DMD: variants seen among roughly 807,000 people sequenced by gnomAD.
DMD encodes dystrophin.
Under a neutral mutation model 330.1 loss-of-function variants are expected in DMD, and 63 were observed. That is an observed-to-expected ratio of 0.19 (90% CI 0.16 to 0.24). DMD has a LOEUF of 0.24. Among genes scored for constraint, DMD ranks in the 10% least tolerant of loss-of-function variants. DMD has a pLI of 1.00. For missense variants in DMD, 3,344 were observed against 2,684.1 expected (o/e 1.25, Z -5.43); for synonymous variants, 1,223 against 959.8 (o/e 1.27, Z -5.07).
intron 55 of DMD, among the ~76,000 whole-genome samples, chrX:31,611,083 A>ATTT (rs35681066): frequency 8.0e-5 from 8 of 100,421 alleles, no homozygotes; most frequent in Admixed American, 4.4e-4. Context: ...TTGCAGAATC[A>ATTT]TTTTTTTTTT....
intron 2 of DMD, among the ~76,000 whole-genome samples, chrX:32,862,136 A>G (rs776726368): frequency 9.8e-5 from 11 of 112,215 alleles, no homozygotes; most frequent in African/African-American, 3.2e-4. Context: ...TCTCTACCAA[A>G]AAAAGCACGA....
intron 44 of DMD, among the ~76,000 whole-genome samples, chrX:32,021,465 T>C (rs957831281): frequency 8.9e-6 from 1 of 111,985 alleles, no homozygotes; most frequent in Admixed American, 9.5e-5. Context: ...AGGGGTAACA[T>C]AGGGAGCTTC....
intron 2 of DMD, among the ~76,000 whole-genome samples, chrX:32,986,997 A>G (rs2092860489): frequency 8.9e-6 from 1 of 112,276 alleles, no homozygotes; most frequent in Non-Finnish European, 1.9e-5. Context: ...TACCCACAAT[A>G]TAGTTCTAGA....
intron 45 of DMD, among the ~76,000 whole-genome samples, chrX:31,959,481 T>C (rs2095279169): frequency 1.8e-5 from 2 of 112,138 alleles, no homozygotes; most frequent in South Asian, 7.4e-4. Context: ...CATTTTATTT[T>C]TCTTAGAATA....
chrX:31,623,317 G>A (rs1464252782), intron 55 of DMD, among the ~76,000 whole-genome samples: 1 of 111,179 alleles, frequency 9.0e-6, no homozygotes, highest in Non-Finnish European at 1.9e-5. Context: ...AGGCTGGAGT[G>A]CAGTGGCGCC....
At chrX:32,939,710 A>T (rs749611436) in intron 2 of DMD, among the ~76,000 whole-genome samples, 1 of 111,639 alleles carries the variant, frequency 9.0e-6, no homozygotes, top group South Asian at 3.7e-4. Flanking sequence ...GTAAAGTTTC[A>T]GGAAACAAAA....
rs143399899 is a variant in DMD at position 32,065,961 on chromosome X, A to G, written c.6439-97447T>C. On this transcript the variant is annotated intron_variant, in intron 44 of 78. Transcript: ENST00000357033. The stretch of plus-strand genomic sequence containing the variant: ...TGAATCTTCTTTGTCAGGAAAAAAA[A>G]TCTCAACAGTCTAAAGAAGAATTTT... Among the ~76,000 whole-genome samples the G allele has an allele frequency of 6.0e-3, 671 of 111,158 alleles. 4 individuals are homozygous for G. The highest frequency in any genetic ancestry group is 9.5e-3 in the Non-Finnish European group (502 of 52,745).
At chrX:31,853,781 C>T (rs1331224785) in intron 48 of DMD, among the ~76,000 whole-genome samples, 1 of 111,751 alleles carries the variant, frequency 8.9e-6, no homozygotes, top group African/African-American at 3.3e-5. Flanking sequence ...ACTATAAATA[C>T]CTAATGGAAA....
chrX:31,173,880 C>A (rs1013513510), intron 71 of DMD, among the ~76,000 whole-genome samples: 3 of 111,716 alleles, frequency 2.7e-5, no homozygotes, highest in African/African-American at 9.7e-5. Flanking sequence ...TTGGGGGAGA[C>A]AGTTTCTAGG....
At chrX:31,607,923 T>C (rs1294648020) in intron 55 of DMD, among the ~76,000 whole-genome samples, 1 of 112,444 alleles carries the variant, frequency 8.9e-6, no homozygotes, top group East Asian at 2.8e-4. Context: ...ACAGTGTTTT[T>C]GTTTTGAGTA....
intron 9 of DMD, among the ~76,000 whole-genome samples, chrX:32,667,226 A>G (rs2061360166): frequency 9.0e-6 from 1 of 111,655 alleles, no homozygotes; most frequent in African/African-American, 3.3e-5. Flanking sequence ...TTTGACTTTC[A>G]GTTTATTTAA....
At chrX:32,387,395 A>G (rs2097966497) in intron 32 of DMD, among the ~76,000 whole-genome samples, 1 of 111,394 alleles carries the variant, frequency 9.0e-6, no homozygotes, top group Non-Finnish European at 1.9e-5. Context: ...AGTTTACATT[A>G]TGTATCTCTG....
rs78322334 is a variant in DMD at position 31,231,567 on chromosome X, G to A, written c.9287-8446C>T. Among the ~76,000 whole-genome samples, 250 of 112,339 alleles carry A rather than the reference G, an allele frequency of 2.2e-3. 3 individuals are homozygous for A. In the East Asian group the frequency reaches 0.054, roughly 24 times the overall value. On this transcript the variant is annotated intron_variant, in intron 63 of 78. Transcript: ENST00000357033. ...TTATTGACTTTGCAGTGTAGCGAAGGAGATGGATAATAATCAAATATTCAT... is the reference window on the plus strand; with the variant it reads ...TTATTGACTTTGCAGTGTAGCGAAGAAGATGGATAATAATCAAATATTCAT...
chrX:32,313,533 T>C (rs1216428719), intron 41 of DMD, among the ~76,000 whole-genome samples: 1 of 111,222 alleles, frequency 9.0e-6, no homozygotes, highest in Non-Finnish European at 1.9e-5. Context: ...TTCAACATAG[T>C]ATTGGAAGTC....
chrX:33,215,013 T>G (rs1362143194), upstream of DMD, among the ~76,000 whole-genome samples: 1 of 112,038 alleles, frequency 8.9e-6, no homozygotes, highest in African/African-American at 3.2e-5. Flanking sequence ...TATATGCTTG[T>G]TGGCCGCTTG....
At chrX:32,686,781 A>T (rs1477772501) in intron 9 of DMD, among the ~76,000 whole-genome samples, 1 of 111,035 alleles carries the variant, frequency 9.0e-6, no homozygotes, top group African/African-American at 3.3e-5. Flanking sequence ...TGCAAAAAAG[A>T]AAATCAAATT....
chrX:32,633,521 G>A (rs1184001020), intron 11 of DMD, among the ~76,000 whole-genome samples: 2 of 111,846 alleles, frequency 1.8e-5, no homozygotes, highest in Non-Finnish European at 3.8e-5. Context: ...ACTTCTGTCT[G>A]TTACCCAATT....
intron 51 of DMD, among the ~76,000 whole-genome samples, chrX:31,770,138 C>T (rs906813540): frequency 8.9e-6 from 1 of 112,557 alleles, no homozygotes; most frequent in African/African-American, 3.2e-5. Context: ...AAGTTTTGTT[C>T]CAATGCCTTT....
At chrX:32,576,904 A>G (rs946936665) in intron 13 of DMD, among the ~76,000 whole-genome samples, 2 of 111,784 alleles carry the variant, frequency 1.8e-5, no homozygotes, top group Non-Finnish European at 3.8e-5. Context: ...ACAGCCATCA[A>G]TGCATTCATT....
Sources: allele counts gnomAD v4.1 joint callset (sites outside exome capture counted in the v4.1 genomes callset), GRCh38; gene constraint gnomAD v4.1.1; transcripts MANE v1.5; gene names NCBI Gene and HGNC (gene_info 2026-07-23, HGNC 2026-07-21).